ITGA9: variants seen among roughly 807,000 people sequenced by gnomAD.
ITGA9 encodes integrin alpha-9.
Under a neutral mutation model 127.8 loss-of-function variants are expected in ITGA9, and 56 were observed. The ratio of observed to expected loss-of-function variants is 0.44; its 90% CI spans 0.35 to 0.55. The LOEUF is 0.55. Ranked by LOEUF, ITGA9 falls within the 20% of genes least tolerant of loss-of-function variation. ITGA9 has a pLI of 0.00. For synonymous variants in ITGA9, 508 were observed against 514.5 expected, an observed-to-expected ratio of 0.99 and a Z score of 0.17; for missense variants, 1,196 against 1,347.1, an observed-to-expected ratio of 0.89 and a Z score of 1.76.
chr3:37,790,025 C>A, intron 26 of ITGA9: 1 of 581,998 alleles, frequency 1.7e-6, no homozygotes, highest in Non-Finnish European at 3.2e-6. Flanking sequence ...AATTGGTATT[C>A]TTGCGCTATT....
intron 18 of ITGA9, among the ~76,000 whole-genome samples, chr3:37,716,350 G>A (rs73052914): frequency 0.012 from 1,792 of 152,084 alleles, 15 homozygotes; most frequent in Non-Finnish European, 0.018. Flanking sequence ...CCAGCCATCT[G>A]AAGCAGAACG....
At chr3:37,473,530 T>C in intron 3 of ITGA9, 70 bp downstream of exon 3, 1 of 1,125,216 alleles carries the variant, frequency 8.9e-7, no homozygotes. Context: ...TTAGGAAGGC[T>C]GGATGGCATG....
intron 4 of ITGA9, among the ~76,000 whole-genome samples, chr3:37,490,670 G>A (rs1472094756): frequency 6.6e-6 from 1 of 152,218 alleles, no homozygotes; most frequent in Non-Finnish European, 1.5e-5. Flanking sequence ...ATTCATTAAT[G>A]TAGGCTCCAT....
intron 15 of ITGA9, among the ~76,000 whole-genome samples, chr3:37,623,903 C>G (rs1700151230): frequency 6.6e-6 from 1 of 152,086 alleles, no homozygotes; most frequent in African/African-American, 2.4e-5. Context: ...CATCCCACTT[C>G]TGAAGATTTC....
At chr3:37,708,604 A>AACAAT in intron 18 of ITGA9, among the ~76,000 whole-genome samples, 2 of 836 alleles carry the variant, frequency 2.4e-3, no homozygotes, top group Non-Finnish European at 5.0e-3. Flanking sequence ...CAACTAGTTC[A>AACAAT]GCGCTATTAG....
chr3:37,494,709 C>T, intron 5 of ITGA9, 141 bp downstream of exon 5: 1 of 739,466 alleles, frequency 1.4e-6, no homozygotes, highest in South Asian at 1.5e-5. Context: ...GGTCCTCACA[C>T]CAGAGGAGGC....
At chr3:37,790,330 A>G in intron 26 of ITGA9, 1 of 531,780 alleles carries the variant, frequency 1.9e-6, no homozygotes, top group Non-Finnish European at 3.8e-6. Context: ...CTCTCACAGG[A>G]GGCTGTTGGT....
At chr3:37,641,217 A>G (rs187180043) in intron 16 of ITGA9, among the ~76,000 whole-genome samples, 502 of 152,302 alleles carry the variant, frequency 3.3e-3, no homozygotes, top group Non-Finnish European at 6.1e-3. Flanking sequence ...CTCCTGTCAG[A>G]TGAGCAGAGG....
At chr3:37,607,921 G>T (rs937228308) in intron 15 of ITGA9, among the ~76,000 whole-genome samples, 14 of 152,258 alleles carry the variant, frequency 9.2e-5, no homozygotes, top group Non-Finnish European at 1.3e-4. Flanking sequence ...TTTTAATTTG[G>T]GGGTAACTCC....
chr3:37,546,199 T>C (rs1377779060), intron 15 of ITGA9, among the ~76,000 whole-genome samples: 1 of 152,144 alleles, frequency 6.6e-6, no homozygotes, highest in Admixed American at 6.5e-5. Context: ...CACAACAGTG[T>C]CCTAGAATTC....
rs1462644815 is a variant in ITGA9, at chr3:37,779,998, C to T, written c.2764C>T (p.Leu922=). The T allele has an allele frequency of 3.1e-6, 5 of 1,614,028 alleles. No individual in the cohort carries two copies. The highest frequency in any genetic ancestry group is 2.7e-5 in the African/African-American group (2 of 75,046). The change falls in exon 25 of 28, where the codon CTG becomes TTG. Residue 922 remains leucine, a synonymous_variant. Transcript: ENST00000264741. Reference sequence around the variant, plus strand: ...TCGTACTATAGACATTTACATGCTGCTGAACACAGAAATACTGAAAAAGGT... The same window carrying T: ...TCGTACTATAGACATTTACATGCTGTTGAACACAGAAATACTGAAAAAGGT... ...ESRTIDIYML[L]NTEILKKDSS...
chr3:37,780,078 A>C (rs551402150), intron 25 of ITGA9, 57 bp downstream of exon 25: 2 of 1,605,276 alleles, frequency 1.2e-6, no homozygotes, highest in African/African-American at 2.7e-5. Context: ...AATTGTTGAC[A>C]TCTGATTTTG....
At chr3:37,729,700 C>CT (rs34875348) in intron 18 of ITGA9, among the ~76,000 whole-genome samples, 1,379 of 84,054 alleles carry the variant, frequency 0.016, 31 homozygotes, top group Non-Finnish European at 0.019. Flanking sequence ...TTTTTGATTT[C>CT]TTTTTTTTTT....
intron 4 of ITGA9, among the ~76,000 whole-genome samples, chr3:37,490,066 G>A (rs910391731): frequency 2.0e-5 from 3 of 152,208 alleles, no homozygotes; most frequent in Admixed American, 6.5e-5. Context: ...CTGAGTGGCG[G>A]GGTGAGTAGT....
chr3:37,480,883 A>G (rs759216281), intron 3 of ITGA9, among the ~76,000 whole-genome samples: 67 of 152,142 alleles, frequency 4.4e-4, no homozygotes, highest in Non-Finnish European at 7.8e-4. Flanking sequence ...CCAAGCAGCC[A>G]AATGGTCTTT....
chr3:37,585,974 C>T (rs1699755920), intron 15 of ITGA9, among the ~76,000 whole-genome samples: 1 of 152,224 alleles, frequency 6.6e-6, no homozygotes, highest in South Asian at 2.1e-4. Context: ...CTGGGCTCTG[C>T]TTATGATTCT....
intron 27 of ITGA9, 46 bp downstream of exon 27, chr3:37,803,988 T>A: frequency 6.2e-7 from 1 of 1,613,602 alleles, no homozygotes. Context: ...CACTCATAGA[T>A]GCCCAGCTCT....
At chr3:37,570,986 G>A (rs894542470) in intron 15 of ITGA9, among the ~76,000 whole-genome samples, 4 of 152,232 alleles carry the variant, frequency 2.6e-5, no homozygotes, top group African/African-American at 9.6e-5. Flanking sequence ...AGACACTGAG[G>A]CCCATCAGGC....
Position 37,523,577 on chromosome 3 carries a change from G to A in ITGA9, c.1293G>A (p.Ser431=), listed in dbSNP as rs1302055253. The change falls in exon 12 of 28, where the codon TCG becomes TCA. Residue 431 remains serine, a synonymous_variant. Coordinates refer to ENST00000264741, the MANE Select transcript of ITGA9 (RefSeq NM_002207.3). ...PVLRMFGQSI[S]GGIDMDGNGY... ...TCCGGATGTTTGGTCAGTCCATATC[G>A]GGAGGCATTGATATGGATGGAAATG... 2.5e-6 allele frequency: 4 copies of A among 1,613,582 alleles called. No individual in the cohort carries two copies. Among genetic ancestry groups the A allele is most frequent in the East Asian group, 2.2e-5 (1 of 44,890 alleles).
Sources: allele counts gnomAD v4.1 joint callset (sites outside exome capture counted in the v4.1 genomes callset), GRCh38; gene constraint gnomAD v4.1.1; transcripts MANE v1.5; gene names NCBI Gene and HGNC (gene_info 2026-07-23, HGNC 2026-07-21).